Variants in KCNN2 observed in about 807,000 individuals in gnomAD.
KCNN2 encodes the protein potassium calcium-activated channel subfamily N member 2, also known as small conductance calcium-activated potassium channel protein 2.
In KCNN2, 24 loss-of-function variants were observed where a neutral mutation model predicts 55.5. The observed-to-expected ratio is 0.43, with a 90% CI of 0.31 to 0.61. The LOEUF (loss-of-function observed/expected upper bound fraction) is 0.61. Ranked by LOEUF, KCNN2 falls within the 20% of genes least tolerant of loss-of-function variation. The pLI is 0.08. For missense variants in KCNN2, 754 were observed against 853.6 expected (o/e 0.88, Z 1.45); for synonymous variants, 431 against 336.1 (o/e 1.28, Z -3.09).
intron 1 of KCNN2, among the ~76,000 whole-genome samples, chr5:114,074,011 A>G (rs904362084): frequency 6.6e-6 from 1 of 152,224 alleles, no homozygotes; most frequent in Non-Finnish European, 1.5e-5. Flanking sequence ...AAGATGGAAC[A>G]GCTCTAATAT....
upstream of KCNN2, among the ~76,000 whole-genome samples, chr5:114,357,814 C>A (rs1345038555): frequency 6.6e-6 from 1 of 151,624 alleles, no homozygotes; most frequent in Non-Finnish European, 1.5e-5. Flanking sequence ...GGTATATACC[C>A]AGTAATGGGG....
chr5:114,108,348 T>C (rs77439948), intron 1 of KCNN2, among the ~76,000 whole-genome samples: 7,019 of 152,192 alleles, frequency 0.046, 534 homozygotes, highest in African/African-American at 0.16. Flanking sequence ...GTTGAATTTA[T>C]ATTTATAAAA....
chr5:114,120,395 T>C (rs1346949694), intron 1 of KCNN2, among the ~76,000 whole-genome samples: 1 of 152,214 alleles, frequency 6.6e-6, no homozygotes, highest in Non-Finnish European at 1.5e-5. Context: ...GAGGATCTTA[T>C]TTCAGGTTTC....
intron 1 of KCNN2, among the ~76,000 whole-genome samples, chr5:114,145,016 T>C (rs2112510005): frequency 6.6e-6 from 1 of 152,282 alleles, no homozygotes; most frequent in East Asian, 1.9e-4. Context: ...TTATAACACT[T>C]TCTCCAGCCC....
intron 2 of KCNN2, among the ~76,000 whole-genome samples, chr5:114,263,658 T>C (rs1308589494): frequency 6.6e-6 from 1 of 151,638 alleles, no homozygotes; most frequent in Non-Finnish European, 1.5e-5. Flanking sequence ...AAAAAATTTT[T>C]TATAAAATAT....
rs192267867 is a variant in KCNN2, at chr5:114,348,614, C to T, written c.-184-12331C>T. Among the ~76,000 whole-genome samples, 386 of 152,152 alleles carry T rather than the reference C, an allele frequency of 2.5e-3. 3 individuals carry two copies. The highest frequency in any genetic ancestry group is 4.3e-3 in the Non-Finnish European group (290 of 67,984). ...TCCACAATTAAAATAAAATGCCACA[C>T]CTTATTTATATACTAAAATTCCTAT... On this transcript the variant is annotated intron_variant, in intron 2 of 10. Coordinates refer to the KCNN2 transcript ENST00000512097.
rs12652782 is a variant in KCNN2 at position 114,455,497 on chromosome 5, C to T, written c.1638-7552C>T. On this transcript the variant is annotated intron_variant, in intron 3 of 7. Transcript: ENST00000673685. Reference sequence around the variant, plus strand: ...TATCTGGCTTTCCTATTCCCTGAAACGCAGTGATACTTAAATGAGGCCAAC... The same window carrying T: ...TATCTGGCTTTCCTATTCCCTGAAATGCAGTGATACTTAAATGAGGCCAAC... Among the ~76,000 whole-genome samples the T allele has an allele frequency of 4.6e-3, 705 of 152,282 alleles. 31 individuals are homozygous for T. The East Asian group carries it at 0.1, about 22-fold the overall frequency.
At chr5:114,209,329 C>T (rs1753833172) in intron 1 of KCNN2, among the ~76,000 whole-genome samples, 1 of 152,038 alleles carries the variant, frequency 6.6e-6, no homozygotes, top group South Asian at 2.1e-4. Flanking sequence ...CCTCTGCTTG[C>T]TCCTTAAATG....
At chr5:114,381,340 A>G (rs529426376) in intron 2 of KCNN2, among the ~76,000 whole-genome samples, 5 of 151,976 alleles carry the variant, frequency 3.3e-5, no homozygotes, top group Admixed American at 1.3e-4. Flanking sequence ...ATTTGTTTCT[A>G]TTTTTTTTAG....
chr5:114,479,833 T>G (rs13188819), intron 5 of KCNN2, among the ~76,000 whole-genome samples: 58,715 of 152,006 alleles, frequency 0.39, 12,802 homozygotes, highest in Non-Finnish European at 0.49. Flanking sequence ...TTGAAACTAA[T>G]GAGAACAAAG....
At chr5:114,418,489 G>A (rs1481149079) in intron 3 of KCNN2, among the ~76,000 whole-genome samples, 3 of 151,858 alleles carry the variant, frequency 2.0e-5, no homozygotes, top group Non-Finnish European at 4.4e-5. Context: ...AGTTTTCTTC[G>A]TCTTTTATCT....
intron 1 of KCNN2, among the ~76,000 whole-genome samples, chr5:114,200,993 C>T (rs1485805163): frequency 6.6e-6 from 1 of 152,022 alleles, no homozygotes; most frequent in African/African-American, 2.4e-5. Context: ...TAATTCCTGA[C>T]CCTCCAGGTG....
intron 1 of KCNN2, among the ~76,000 whole-genome samples, chr5:114,082,525 T>C (rs1750848377): frequency 6.6e-6 from 1 of 152,126 alleles, no homozygotes; most frequent in Admixed American, 6.5e-5. Flanking sequence ...TGGAAAATAG[T>C]ATGGAAGTTC....
chr5:114,190,203 G>T (rs1357370066), intron 1 of KCNN2, among the ~76,000 whole-genome samples: 1 of 151,988 alleles, frequency 6.6e-6, no homozygotes, highest in African/African-American at 2.4e-5. Flanking sequence ...AGCTGAAGAT[G>T]TGCATACCTT....
intron 2 of KCNN2, among the ~76,000 whole-genome samples, chr5:114,241,705 G>GAT (rs10624495): frequency 0.41 from 19,846 of 48,558 alleles, 6,796 homozygotes; most frequent in East Asian, 0.7. Context: ...TATATATGTG[G>GAT]ATATATATAT....
chr5:114,100,333 T>A (rs1164009197), intron 1 of KCNN2, among the ~76,000 whole-genome samples: 1 of 152,156 alleles, frequency 6.6e-6, no homozygotes, highest in Non-Finnish European at 1.5e-5. Context: ...GTGGAATATA[T>A]TTTAAAAGTA....
At chr5:114,320,948 C>G (rs527787770) in intron 2 of KCNN2, among the ~76,000 whole-genome samples, 1 of 152,274 alleles carries the variant, frequency 6.6e-6, no homozygotes, top group South Asian at 2.1e-4. Flanking sequence ...TCTCTGATGT[C>G]CCCACATTGC....
At chr5:114,195,270 G>A (rs567988559) in intron 1 of KCNN2, among the ~76,000 whole-genome samples, 4 of 150,542 alleles carry the variant, frequency 2.7e-5, no homozygotes, top group Non-Finnish European at 5.9e-5. Flanking sequence ...TTTGTAAATC[G>A]ATTTGAGTAG....
At chr5:114,071,811 G>T (rs1420934874) in intron 1 of KCNN2, among the ~76,000 whole-genome samples, 1 of 152,190 alleles carries the variant, frequency 6.6e-6, no homozygotes. Context: ...ACTGATAAGG[G>T]ACCATGTGCT....
Sources: allele counts gnomAD v4.1 joint callset (sites outside exome capture counted in the v4.1 genomes callset), GRCh38; gene constraint gnomAD v4.1.1; transcripts MANE v1.5; gene names NCBI Gene and HGNC (gene_info 2026-07-23, HGNC 2026-07-21).